ZNF407: variants seen among roughly 807,000 people sequenced by gnomAD.
ZNF407 encodes the protein zinc finger protein 407.
In ZNF407, 17 loss-of-function variants were observed where a neutral mutation model predicts 131.2. That is an observed-to-expected ratio of 0.13 (90% CI 0.09 to 0.19). ZNF407 has a LOEUF of 0.19. ZNF407 is among the 10% of genes least tolerant of loss of function. The probability of loss-of-function intolerance (pLI) is 1.00; values close to 1 mark genes in which losing one functional copy is unlikely to be tolerated. For synonymous variants in ZNF407, 1,156 were observed against 1,062.0 expected (o/e 1.09, Z -1.72); for missense variants, 2,681 against 2,830.6 (o/e 0.95, Z 1.20).
intron 7 of ZNF407, among the ~76,000 whole-genome samples, chr18:74,890,330 T>C (rs904477430): frequency 6.6e-6 from 1 of 152,202 alleles, no homozygotes; most frequent in South Asian, 2.1e-4. Flanking sequence ...TGTGTTACAG[T>C]TGATGAACCT....
At chr18:75,047,911 G>A (rs144708047) in intron 8 of ZNF407, among the ~76,000 whole-genome samples, 326 of 152,228 alleles carry the variant, frequency 2.1e-3, no homozygotes, top group African/African-American at 7.0e-3. Flanking sequence ...ACCTGATGAC[G>A]TTTAATAGTG....
chr18:74,721,480 A>G (rs1482970714), intron 3 of ZNF407, among the ~76,000 whole-genome samples: 3 of 152,228 alleles, frequency 2.0e-5, no homozygotes, highest in African/African-American at 7.2e-5. Context: ...ATCATGTTAT[A>G]TTTAGAAAAA....
At chr18:74,714,174 G>T (rs1403016594) in intron 3 of ZNF407, among the ~76,000 whole-genome samples, 2 of 152,152 alleles carry the variant, frequency 1.3e-5, no homozygotes, top group African/African-American at 4.8e-5. Flanking sequence ...TTTTAATAAT[G>T]TAGAATAGTC....
intron 7 of ZNF407, among the ~76,000 whole-genome samples, chr18:74,901,413 C>G (rs567845901): frequency 2.0e-5 from 3 of 152,198 alleles, no homozygotes; most frequent in Non-Finnish European, 4.4e-5. Context: ...ACCATTTCTG[C>G]AAGTACAAAT....
intron 3 of ZNF407, among the ~76,000 whole-genome samples, chr18:74,663,020 AT>A (rs1985779369): frequency 6.6e-6 from 1 of 152,228 alleles, no homozygotes; most frequent in Non-Finnish European, 1.5e-5. Context: ...CTCTGCATAT[AT>A]AGATATTGAG....
intron 8 of ZNF407, among the ~76,000 whole-genome samples, chr18:74,932,449 T>C (rs34803076): frequency 0.035 from 5,293 of 152,276 alleles, 331 homozygotes; most frequent in African/African-American, 0.12. Flanking sequence ...GTTGGATATG[T>C]GCATTTCCCC....
At chr18:74,701,539 G>C (rs571931370) in intron 3 of ZNF407, among the ~76,000 whole-genome samples, 105 of 152,252 alleles carry the variant, frequency 6.9e-4, no homozygotes, top group Admixed American at 1.4e-3. Context: ...AAACAAACGA[G>C]TACCAGAAAG....
intron 3 of ZNF407, among the ~76,000 whole-genome samples, chr18:74,683,940 G>T (rs182852543): frequency 3.1e-4 from 47 of 152,232 alleles, no homozygotes; most frequent in Non-Finnish European, 2.8e-4. Context: ...ATAATTTTCT[G>T]TTCAATTTGA....
At chr18:75,050,234 C>A (rs1020215740) in intron 8 of ZNF407, among the ~76,000 whole-genome samples, 1 of 152,030 alleles carries the variant, frequency 6.6e-6, no homozygotes, top group East Asian at 1.9e-4. Context: ...TTGAGCCCTT[C>A]CTGTGTGTCA....
At chr18:74,676,267 G>A (rs1005411535) in intron 3 of ZNF407, among the ~76,000 whole-genome samples, 2 of 151,486 alleles carry the variant, frequency 1.3e-5, no homozygotes, top group Admixed American at 1.3e-4. Context: ...AATTTTTTGT[G>A]TTTTAGTAGA....
At chr18:74,654,780 G>C (rs1459509012) in intron 3 of ZNF407, among the ~76,000 whole-genome samples, 1 of 151,538 alleles carries the variant, frequency 6.6e-6, no homozygotes, top group Non-Finnish European at 1.5e-5. Flanking sequence ...AAAGAATACT[G>C]GTTTCTTAGA....
chr18:74,955,800 A>G (rs1312356877), intron 8 of ZNF407, among the ~76,000 whole-genome samples: 1 of 152,182 alleles, frequency 6.6e-6, no homozygotes, highest in Non-Finnish European at 1.5e-5. Flanking sequence ...TTGTGAGGTC[A>G]GGGAAAGGAC....
At chr18:74,724,047 A>G (rs1277794998) in intron 3 of ZNF407, among the ~76,000 whole-genome samples, 3 of 152,290 alleles carry the variant, frequency 2.0e-5, no homozygotes, top group Admixed American at 2.0e-4. Context: ...CCAAGGCATT[A>G]TATGTTTATT....
intron 7 of ZNF407, among the ~76,000 whole-genome samples, chr18:74,900,046 T>G (rs1487196852): frequency 6.6e-6 from 1 of 152,204 alleles, no homozygotes; most frequent in South Asian, 2.1e-4. Context: ...TAAAATCACT[T>G]TCTGAAATGT....
chr18:74,670,310 T>C (rs1016810817), intron 3 of ZNF407, among the ~76,000 whole-genome samples: 3 of 152,236 alleles, frequency 2.0e-5, no homozygotes, highest in African/African-American at 4.8e-5. Context: ...CATTATTTTC[T>C]TAAAAAATTG....
At chr18:74,996,240 T>C (rs553461104) in intron 8 of ZNF407, among the ~76,000 whole-genome samples, 3 of 152,204 alleles carry the variant, frequency 2.0e-5, no homozygotes, top group Non-Finnish European at 2.9e-5. Flanking sequence ...TCTTAGTTTT[T>C]CACAGCGGTG....
intron 2 of ZNF407, among the ~76,000 whole-genome samples, chr18:74,640,512 A>G (rs1599034309): frequency 6.6e-6 from 1 of 152,296 alleles, no homozygotes; most frequent in East Asian, 1.9e-4. Context: ...AAAAAACCTG[A>G]AATATACCAT....
At chr18:74,601,233 C>A (rs1197460741) in intron 1 of ZNF407, among the ~76,000 whole-genome samples, 2 of 151,832 alleles carry the variant, frequency 1.3e-5, no homozygotes, top group African/African-American at 4.8e-5. Context: ...GTTGAGTGGG[C>A]AGTTGTATGG....
intron 3 of ZNF407, among the ~76,000 whole-genome samples, chr18:74,645,100 T>G: frequency 6.7e-6 from 1 of 148,306 alleles, no homozygotes; most frequent in Non-Finnish European, 1.5e-5. Flanking sequence ...AGTTTTATTT[T>G]TTCCCACTCA....
Sources: gnomAD v4.1 joint callset for allele counts (sites outside exome capture counted in the v4.1 genomes callset) on GRCh38, gnomAD v4.1.1 for gene constraint, MANE v1.5 for transcripts, NCBI Gene and HGNC (gene_info 2026-07-23, HGNC 2026-07-21) for gene names.